The following ZNF140 variants were observed in gnomAD, a reference collection of about 807,000 sequenced individuals.
ZNF140 encodes zinc finger protein 140, also known as zinc finger protein 140 (clone pHZ-39).
In ZNF140, 13 loss-of-function variants were observed where a neutral mutation model predicts 12.9. That is an observed-to-expected ratio of 1.01 (90% CI 0.66 to 1.60). ZNF140 has a LOEUF of 1.60. Ranked by LOEUF, ZNF140 falls within the 40% of genes most tolerant of loss-of-function variation. The pLI, the probability that ZNF140 is intolerant of heterozygous loss-of-function variation, is 0.00. For missense variants in ZNF140, 531 were observed against 548.8 expected, an observed-to-expected ratio of 0.97 and a Z score of 0.32; for synonymous variants, 214 against 186.7, an observed-to-expected ratio of 1.15 and a Z score of -1.19.
chr12:133,086,628 A>G (rs2137495878), intron 4 of ZNF140, among the ~76,000 whole-genome samples: 1 of 152,314 alleles, frequency 6.6e-6, no homozygotes, highest in East Asian at 1.9e-4. Flanking sequence ...TTTGATGAAC[A>G]GAAATTCTTA....
chr12:133,082,604 A>G (rs1954540183), intron 2 of ZNF140: 1 of 154,462 alleles, frequency 6.5e-6, no homozygotes, highest in Non-Finnish European at 1.4e-5. Flanking sequence ...TAAAATTACC[A>G]CTAAGTTTCA....
intron 2 of ZNF140, chr12:133,082,874 T>A (rs1954550118): frequency 2.1e-6 from 1 of 479,074 alleles, no homozygotes; most frequent in Non-Finnish European, 3.5e-6. Context: ...TGAATAAAAT[T>A]GTAAATTATC....
At chr12:133,087,179 T>C (rs1954703585) in intron 4 of ZNF140, among the ~76,000 whole-genome samples, 1 of 151,864 alleles carries the variant, frequency 6.6e-6, no homozygotes, top group Non-Finnish European at 1.5e-5. Flanking sequence ...GGTAGACAGA[T>C]TGGAAATAAA....
chr12:133,106,312 TAAACATC>T lies in ZNF140; in HGVS notation c.1037_1043del (p.Lys346ArgfsTer143). On this transcript the variant is annotated frameshift_variant, in exon 5 of 5. Transcript: ENST00000355557. LOFTEE classifies it low-confidence loss of function (END_TRUNC). ...CTTTCCGTTGTCACTCATTCCTTAT[TAAACATC>T]AGAGAATTCATGCTGGAGAAAAGCT... The T allele has an allele frequency of 6.2e-7, 1 of 1,614,184 alleles. No homozygotes were observed. Among genetic ancestry groups the T allele is most frequent in the Non-Finnish European group, 8.5e-7 (1 of 1,180,022 alleles).
chr12:133,088,228 T>C (rs1954743968), intron 4 of ZNF140, among the ~76,000 whole-genome samples: 1 of 152,208 alleles, frequency 6.6e-6, no homozygotes, highest in South Asian at 2.1e-4. Context: ...TTATTGTTTA[T>C]AGAATAATTT....
In ZNF140 at chr12:133,096,019, T is replaced by G. The variant is rs570635275; in HGVS notation, c.233-9491T>G. 8.7e-3 allele frequency among the ~76,000 whole-genome samples: 1,314 copies of G among 151,148 alleles called. 31 individuals carry two copies. The highest frequency in any genetic ancestry group is 0.029 in the African/African-American group (1,219 of 41,344). On this transcript the variant is annotated intron_variant, in intron 4 of 4. Coordinates refer to ENST00000355557, the MANE Select transcript of ZNF140 (RefSeq NM_003440.4). ...TCAACTGCAAGAGGCTTTCCTCTTT[T>G]ACCAATCCACCTCAGCACAGACCCT...
In ZNF140 at chr12:133,104,507, A is replaced by G. The variant is rs951484741; in HGVS notation, c.233-1003A>G. Among the ~76,000 whole-genome samples, 2 of 152,024 alleles carry G rather than the reference A, an allele frequency of 1.3e-5. 1 individual carries two copies. The highest frequency in any genetic ancestry group is 2.9e-5 in the Non-Finnish European group (2 of 68,020). On this transcript the variant is annotated intron_variant, in intron 4 of 4. Coordinates refer to ENST00000355557, the MANE Select transcript of ZNF140 (RefSeq NM_003440.4). ...CCTGGGACTACAGGTGCATGCCATC[A>G]CGCCTGGCTAATTTTTTGTATTCTT... is the stretch of plus-strand genomic sequence containing the variant.
At position 133,105,768 on chromosome 12, in the gene ZNF140, A is replaced by G. The variant is rs1406110258; in HGVS notation, c.491A>G (p.His164Arg). Residue 164 changes from histidine to arginine, a missense_variant, in exon 5 of 5, where the codon CAT (histidine) becomes CGT (arginine). Transcript: ENST00000355557. ...ACTGTGGAGAGGCCCTATGGATGCC[A>G]TGAATGTGGAAAAACTTTTGGTCGA... ...ISTVERPYGC[H>R]ECGKTFGRRF... is the part of the protein sequence containing the mutation. 6.2e-7 allele frequency: 1 copy of G among 1,614,196 alleles called. No individual in the cohort carries two copies. Among genetic ancestry groups the G allele is most frequent in the Admixed American group, 1.7e-5 (1 of 60,032 alleles).
chr12:133,088,140 A>G (rs1418030949), intron 4 of ZNF140, among the ~76,000 whole-genome samples: 2 of 151,732 alleles, frequency 1.3e-5, no homozygotes, highest in Non-Finnish European at 2.9e-5. Flanking sequence ...AAAAAAAAAG[A>G]AAGAAAAAGG....
chr12:133,101,537 C>T (rs1487300907), intron 4 of ZNF140, among the ~76,000 whole-genome samples: 1 of 152,156 alleles, frequency 6.6e-6, no homozygotes, highest in Non-Finnish European at 1.5e-5. Flanking sequence ...CTCCACCTCC[C>T]GGGTTCACGC....
chr12:133,089,106 C>T (rs1173059164), intron 4 of ZNF140, among the ~76,000 whole-genome samples: 1 of 152,064 alleles, frequency 6.6e-6, no homozygotes, highest in East Asian at 1.9e-4. Context: ...CCGTTTCTGT[C>T]GTCTGGAAGA....
At chr12:133,104,916 C>T (rs1264086217) in intron 4 of ZNF140, among the ~76,000 whole-genome samples, 1 of 152,036 alleles carries the variant, frequency 6.6e-6, no homozygotes, top group African/African-American at 2.4e-5. Context: ...GCATAATGCC[C>T]AATAGTCAGG....
intron 4 of ZNF140, among the ~76,000 whole-genome samples, 167 bp downstream of exon 4, chr12:133,083,728 G>C (rs1954577385): frequency 6.6e-6 from 1 of 152,162 alleles, no homozygotes; most frequent in Non-Finnish European, 1.5e-5. Flanking sequence ...GGGAGGCCGA[G>C]GTGGGTGGAT....
chr12:133,106,151 C>A lies in ZNF140; in HGVS notation c.874C>A (p.Gln292Lys), dbSNP rs1955584679. The A allele has an allele frequency of 1.2e-6, 2 of 1,614,146 alleles. No individual in the cohort carries two copies. Among genetic ancestry groups the A allele is most frequent in the Admixed American group, 1.7e-5 (1 of 60,020 alleles). ...CAGTGGCTCAGAACTCATTCGCCAC[C>A]AGATTACACATACTGGAGAGAAACC... ...FSSGSELIRH[Q>K]ITHTGEKPYE... The change falls in exon 5 of 5, where the codon CAG becomes AAG. Residue 292 changes from glutamine to lysine, a missense_variant. Physicochemically the swap from Gln to Lys is moderately conservative, Grantham distance 53. Coordinates refer to ENST00000355557, the MANE Select transcript of ZNF140 (RefSeq NM_003440.4).
intron 4 of ZNF140, among the ~76,000 whole-genome samples, chr12:133,098,562 C>T (rs1024741416): frequency 3.9e-5 from 6 of 152,170 alleles, no homozygotes; most frequent in Non-Finnish European, 5.9e-5. Flanking sequence ...TAATCCAACC[C>T]TACTTTCAAA....
At chr12:133,099,473 G>A (rs1193271632) in intron 4 of ZNF140, among the ~76,000 whole-genome samples, 6 of 152,164 alleles carry the variant, frequency 3.9e-5, no homozygotes, top group African/African-American at 9.7e-5. Context: ...CACTGTGCCC[G>A]GCCAATACAT....
chr12:133,101,027 G>GT, intron 4 of ZNF140: 1 of 452,216 alleles, frequency 2.2e-6, no homozygotes, highest in Non-Finnish European at 4.4e-6. Flanking sequence ...GAGGACTACT[G>GT]TAATTCCCAG....
At position 133,106,809 on chromosome 12, in the gene ZNF140, C is replaced by A. The variant is rs1456373433; in HGVS notation, c.*158C>A. 7 of 574,388 alleles carry A rather than the reference C, an allele frequency of 1.2e-5. No homozygotes were observed. Among genetic ancestry groups the A allele is most frequent in the South Asian group, 1.2e-4 (3 of 24,832 alleles). The allele number at this position is 574,388 out of a possible 1,614,324, so 35.6% of individuals were successfully genotyped here. ...ATTCACCACCCTGGAGAAAAAAAAA[C>A]CCAGGAATATGTGGAAAAGCCATTA... is the stretch of plus-strand genomic sequence containing the variant. On this transcript the variant is annotated 3_prime_UTR_variant, in exon 5 of 5. Transcript: ENST00000355557.
At chr12:133,096,781 G>T (rs1955145293) in intron 4 of ZNF140, among the ~76,000 whole-genome samples, 1 of 152,228 alleles carries the variant, frequency 6.6e-6, no homozygotes, top group African/African-American at 2.4e-5. Context: ...TGTGTGTTAT[G>T]ACTAAGAATT....
Sources: gnomAD v4.1 joint callset for allele counts (sites outside exome capture counted in the v4.1 genomes callset) on GRCh38, gnomAD v4.1.1 for gene constraint, MANE v1.5 for transcripts, NCBI Gene and HGNC (gene_info 2026-07-23, HGNC 2026-07-21) for gene names.